Variants in KAZN observed in about 807,000 individuals in gnomAD.
KAZN encodes the protein kazrin.
Under a neutral mutation model 87.4 loss-of-function variants are expected in KAZN, and 40 were observed. The observed-to-expected ratio is 0.46, with a 90% confidence interval of 0.36 to 0.60. The LOEUF is 0.60. KAZN is among the 20% of genes least tolerant of loss of function. The probability of loss-of-function intolerance (pLI) is 0.00; values close to 1 mark genes in which losing one functional copy is unlikely to be tolerated. For synonymous variants in KAZN, 466 were observed against 458.3 expected (o/e 1.02, Z -0.22); for missense variants, 898 against 1,073.9 (o/e 0.84, Z 2.29).
At chr1:14,526,951 C>T (rs1206574725) in intron 2 of KAZN, among the ~76,000 whole-genome samples, 1 of 152,200 alleles carries the variant, frequency 6.6e-6, no homozygotes, top group African/African-American at 2.4e-5. Flanking sequence ...CTGACAATAG[C>T]ATCTGATTTG....
chr1:14,493,248 T>C (rs1669775227), intron 2 of KAZN, among the ~76,000 whole-genome samples: 1 of 152,228 alleles, frequency 6.6e-6, no homozygotes, highest in South Asian at 2.1e-4. Flanking sequence ...AGACTTTCTC[T>C]GAAATCCCCA....
At chr1:14,074,264 C>A (rs527498948) in intron 1 of KAZN, among the ~76,000 whole-genome samples, 2 of 152,294 alleles carry the variant, frequency 1.3e-5, no homozygotes, top group Admixed American at 6.5e-5. Context: ...TGGGGAAAGC[C>A]GTCTTTGGCT....
At chr1:14,892,104 C>G (rs563978115) in intron 1 of KAZN, among the ~76,000 whole-genome samples, 38 of 152,160 alleles carry the variant, frequency 2.5e-4, no homozygotes, top group Non-Finnish European at 5.3e-4. Flanking sequence ...AGGCAGCAGG[C>G]AGAGCCCAGA....
At position 14,646,734 on chromosome 1, in the gene KAZN, G is replaced by A. The variant is rs570480124; in HGVS notation, c.226+47511G>A. 4.6e-5 allele frequency among the ~76,000 whole-genome samples: 7 copies of A among 152,262 alleles called. No individual in the cohort carries two copies. The East Asian group carries it at 7.7e-4, about 17-fold the overall frequency. The stretch of plus-strand genomic sequence containing the variant: ...GGCTCCATGTCCATAGGAACAAGGC[G>A]TCACTGGTTGAGAATCACTGGCTAG... On this transcript the variant is annotated intron_variant, in intron 1 of 14. Transcript: ENST00000376030.
intron 1 of KAZN, among the ~76,000 whole-genome samples, chr1:14,631,635 ACT>A (rs376960024): frequency 6.6e-6 from 1 of 152,104 alleles, no homozygotes; most frequent in African/African-American, 2.4e-5. Flanking sequence ...GAGACATGTG[ACT>A]CTAGATTATG....
intron 1 of KAZN, among the ~76,000 whole-genome samples, chr1:14,901,152 G>C (rs1403292645): frequency 6.6e-6 from 1 of 152,186 alleles, no homozygotes; most frequent in Non-Finnish European, 1.5e-5. Context: ...GGGGACAACT[G>C]GGGGAAGGCT....
intron 1 of KAZN, among the ~76,000 whole-genome samples, chr1:14,742,973 C>CA (rs61026452): frequency 0.49 from 73,838 of 152,044 alleles, 18,453 homozygotes; most frequent in African/African-American, 0.59. Flanking sequence ...CCTGCACTCA[C>CA]CAGTGAATAG....
At chr1:14,319,743 GTC>G (rs1428877068) in intron 2 of KAZN, among the ~76,000 whole-genome samples, 1 of 152,132 alleles carries the variant, frequency 6.6e-6, no homozygotes, top group African/African-American at 2.4e-5. Context: ...GATCTGATCT[GTC>G]TGTTGCCCAA....
chr1:14,406,094 G>C (rs1234398849), intron 2 of KAZN, among the ~76,000 whole-genome samples: 1 of 152,114 alleles, frequency 6.6e-6, no homozygotes, highest in African/African-American at 2.4e-5. Flanking sequence ...ATAACATAAA[G>C]AATGTAATTG....
At chr1:14,749,791 C>T (rs1381081712) in intron 1 of KAZN, among the ~76,000 whole-genome samples, 2 of 152,132 alleles carry the variant, frequency 1.3e-5, no homozygotes, top group Non-Finnish European at 2.9e-5. Context: ...CTCCTTGGCC[C>T]ATCCTAAGGG....
chr1:14,893,710 G>A (rs968254292), intron 1 of KAZN, among the ~76,000 whole-genome samples: 5 of 152,120 alleles, frequency 3.3e-5, no homozygotes, highest in African/African-American at 1.2e-4. Flanking sequence ...AGCCACAAAG[G>A]GTCAGAGGTC....
chr1:15,035,302 C>A (rs914392975), intron 3 of KAZN, among the ~76,000 whole-genome samples: 7 of 152,176 alleles, frequency 4.6e-5, no homozygotes. Flanking sequence ...ATCAATAAGA[C>A]GCATAGCTAA....
intron 1 of KAZN, among the ~76,000 whole-genome samples, chr1:14,809,591 G>C: frequency 6.6e-6 from 1 of 152,168 alleles, no homozygotes; most frequent in South Asian, 2.1e-4. Context: ...AAGTATTTCC[G>C]AATACAATTG....
At chr1:13,926,481 C>T (rs1640280258) in intron 1 of KAZN, among the ~76,000 whole-genome samples, 1 of 152,142 alleles carries the variant, frequency 6.6e-6, no homozygotes. Flanking sequence ...GGCTTCCTCC[C>T]ACATTTCCCC....
intron 2 of KAZN, among the ~76,000 whole-genome samples, chr1:14,992,980 T>C (rs10927621): frequency 0.37 from 54,870 of 149,588 alleles, 11,112 homozygotes; most frequent in African/African-American, 0.54. Context: ...GATAGGTATA[T>C]TTTTTTACCA....
At chr1:14,191,486 T>A (rs1368387194) in intron 2 of KAZN, among the ~76,000 whole-genome samples, 2 of 152,058 alleles carry the variant, frequency 1.3e-5, no homozygotes, top group Non-Finnish European at 2.9e-5. Context: ...ATTGAAAATC[T>A]AGGGACCCAT....
intron 1 of KAZN, among the ~76,000 whole-genome samples, chr1:14,747,922 A>G (rs1190881028): frequency 6.6e-6 from 1 of 152,226 alleles, no homozygotes; most frequent in Non-Finnish European, 1.5e-5. Context: ...TGCTCCAGTG[A>G]CAACATTTCT....
At chr1:13,960,413 A>G (rs550040356) in intron 1 of KAZN, among the ~76,000 whole-genome samples, 22 of 152,284 alleles carry the variant, frequency 1.4e-4, no homozygotes, top group African/African-American at 5.3e-4. Context: ...GACATACCTT[A>G]AGTCATGTAC....
chr1:15,002,497 C>T (rs1024606523), intron 2 of KAZN, among the ~76,000 whole-genome samples: 1 of 152,098 alleles, frequency 6.6e-6, no homozygotes, highest in Non-Finnish European at 1.5e-5. Flanking sequence ...TCAGACTGCC[C>T]GAGTTCTAAG....
Sources: allele counts gnomAD v4.1 joint callset (sites outside exome capture counted in the v4.1 genomes callset), GRCh38; gene constraint gnomAD v4.1.1; transcripts MANE v1.5; gene names NCBI Gene and HGNC (gene_info 2026-07-23, HGNC 2026-07-21).